Variants in NEMF observed in about 807,000 individuals in gnomAD.
NEMF encodes the protein nuclear export mediator factor.
In NEMF, 89 loss-of-function variants were observed where a neutral mutation model predicts 162.2. The observed-to-expected ratio is 0.55, with a 90% confidence interval of 0.46 to 0.65. The LOEUF is 0.65. NEMF is among the 30% of genes least tolerant of loss of function. The pLI is 0.00. For synonymous variants in NEMF, 421 were observed against 404.5 expected (o/e 1.04, Z -0.49); for missense variants, 1,133 against 1,261.9 (o/e 0.90, Z 1.55).
chr14:49,800,805 AATC>A, intron 22 of NEMF, 109 bp from the exon 23 acceptor site: 1 of 1,058,842 alleles, frequency 9.4e-7, no homozygotes, highest in Non-Finnish European at 1.4e-6. Flanking sequence ...TTCTCCAAAA[AATC>A]AACAGAAAAG....
chr14:49,823,871 T>C (rs186527101), intron 16 of NEMF, among the ~76,000 whole-genome samples: 138 of 152,212 alleles, frequency 9.1e-4, no homozygotes, highest in African/African-American at 3.0e-3. Flanking sequence ...AAGTTTCATG[T>C]AAAATATCAA....
In NEMF at chr14:49,782,090, C is replaced by T. The variant is rs766170617; in HGVS notation, c.*2546G>A. 1.6e-5 allele frequency: 6 copies of T among 368,770 alleles called. No individual in the cohort carries two copies. The highest frequency in any genetic ancestry group is 8.9e-5 in the East Asian group (2 of 22,564). The allele number at this position is 368,770 out of a possible 1,614,324, so 22.8% of individuals were successfully genotyped here. Reference sequence around the variant, plus strand: ...AGGCATATACTACTCAGCTCCCATACGATTTTTATTGCTAACAAAGACCTA... The same window carrying T: ...AGGCATATACTACTCAGCTCCCATATGATTTTTATTGCTAACAAAGACCTA... On this transcript the variant is annotated 3_prime_UTR_variant, in exon 33 of 33. Transcript: ENST00000298310.
In NEMF at chr14:49,840,878, T is replaced by C. The variant is rs1199038876; in HGVS notation, c.358-12A>G. On this transcript the variant is annotated splice_polypyrimidine_tract_variant and intron_variant, in intron 4 of 32. Transcript: ENST00000298310. Reference sequence around the variant, plus strand: ...AGAACAATGTTCCCCTGCAATAAAATAAAATACAATTTAGCGCTCTTTCAA... The same window carrying C: ...AGAACAATGTTCCCCTGCAATAAAACAAAATACAATTTAGCGCTCTTTCAA... 6.2e-7 allele frequency: 1 copy of C among 1,607,050 alleles called. No homozygotes were observed. Among genetic ancestry groups the C allele is most frequent in the African/African-American group, 1.3e-5 (1 of 74,402 alleles).
chr14:49,817,704 T>C (rs1039209469), intron 16 of NEMF, among the ~76,000 whole-genome samples: 1 of 152,158 alleles, frequency 6.6e-6, no homozygotes, highest in Non-Finnish European at 1.5e-5. Context: ...ATTATAAACT[T>C]TCTGCCAATA....
Position 49,782,321 on chromosome 14 carries a change from C to T in NEMF, c.*2315G>A. The T allele has an allele frequency of 7.9e-7, 1 of 1,270,014 alleles. No homozygotes were observed. The highest frequency in any genetic ancestry group is 1.5e-5 in the African/African-American group (1 of 67,668). 78.7% of individuals were successfully genotyped at this position (1,270,014 alleles called of 1,614,324 possible). ...AGCTCTATTCTGTAGTATAAAATGG[C>T]CAACTGGTGTTCTGGGTGGCTTCAA... On this transcript the variant is annotated 3_prime_UTR_variant, in exon 33 of 33. Coordinates refer to ENST00000298310, the MANE Select transcript of NEMF (RefSeq NM_004713.6).
At position 49,784,720 on chromosome 14, in the gene NEMF, A is replaced by G; in HGVS notation, c.3154-7T>C. The G allele has an allele frequency of 6.2e-7, 1 of 1,610,420 alleles. No individual in the cohort carries two copies. Among genetic ancestry groups the G allele is most frequent in the African/African-American group, 1.3e-5 (1 of 74,966 alleles). ...TTCTTGATAAATCTGTGTCCTAAAAAAAGAAAATTGCTGAATATCTTCACA... is the reference window on the plus strand; with the variant it reads ...TTCTTGATAAATCTGTGTCCTAAAAGAAGAAAATTGCTGAATATCTTCACA... On this transcript the variant is annotated splice_region_variant and splice_polypyrimidine_tract_variant and intron_variant, in intron 32 of 32. Coordinates refer to ENST00000298310, the MANE Select transcript of NEMF (RefSeq NM_004713.6).
intron 7 of NEMF, 71 bp from the exon 8 acceptor site, chr14:49,833,567 T>G: frequency 1.0e-6 from 1 of 964,146 alleles, no homozygotes; most frequent in East Asian, 2.4e-5. Flanking sequence ...TAAACAACTA[T>G]GTAGAAAAAC....
At chr14:49,846,114 C>T in intron 4 of NEMF, 26 bp downstream of exon 4, 1 of 1,599,346 alleles carries the variant, frequency 6.3e-7, no homozygotes, top group Non-Finnish European at 8.5e-7. Context: ...AATTTTCCTT[C>T]ACCATATCCC....
chr14:49,808,376 T>C (rs1359907477), intron 18 of NEMF, among the ~76,000 whole-genome samples: 3 of 152,106 alleles, frequency 2.0e-5, no homozygotes, highest in Non-Finnish European at 4.4e-5. Flanking sequence ...GGTTTCACCA[T>C]GTTGGCCAGG....
At chr14:49,822,524 A>G (rs1892126390) in intron 16 of NEMF, among the ~76,000 whole-genome samples, 1 of 151,288 alleles carries the variant, frequency 6.6e-6, no homozygotes, top group Non-Finnish European at 1.5e-5. Context: ...TCTGTCTCAA[A>G]GAAAAAAAAA....
At chr14:49,794,754 T>C (rs1438818557) in intron 26 of NEMF, among the ~76,000 whole-genome samples, 1 of 137,720 alleles carries the variant, frequency 7.3e-6, no homozygotes, top group Non-Finnish European at 1.5e-5. Flanking sequence ...AGTCTCGCCA[T>C]GTCACCCAGG....
intron 16 of NEMF, among the ~76,000 whole-genome samples, chr14:49,816,001 G>T (rs1460210025): frequency 6.6e-6 from 1 of 152,056 alleles, no homozygotes; most frequent in Non-Finnish European, 1.5e-5. Flanking sequence ...ATATAAAAAA[G>T]ATAGTGAGAG....
rs1892528061 is a variant in NEMF at position 49,829,409 on chromosome 14, C to T, written c.963G>A (p.Lys321=). 2 of 1,613,692 alleles carry T rather than the reference C, an allele frequency of 1.2e-6. No homozygotes were observed. Among genetic ancestry groups the T allele is most frequent in the East Asian group, 2.2e-5 (1 of 44,884 alleles). Residue 321 remains lysine, a synonymous_variant, in exon 12 of 33, where the codon AAG becomes AAA. Coordinates refer to ENST00000298310, the MANE Select transcript of NEMF (RefSeq NM_004713.6). ...GATCCTTTCGAACATTATCTAATTT[C>T]TTCAATGCTTGCTTTTCCTTTTATT... The part of the protein sequence containing the change: ...KALQQEKQAL[K]KLDNVRKDHE...
chr14:49,817,597 T>C (rs1443408281), intron 16 of NEMF, among the ~76,000 whole-genome samples: 3 of 152,224 alleles, frequency 2.0e-5, no homozygotes, highest in Non-Finnish European at 4.4e-5. Flanking sequence ...TAGGAAGACG[T>C]AACAGTTATA....
At chr14:49,813,920 T>C in intron 18 of NEMF, 68 bp downstream of exon 18, 1 of 942,118 alleles carries the variant, frequency 1.1e-6, no homozygotes, top group South Asian at 1.3e-5. Flanking sequence ...TAAATTTTTG[T>C]CTTACAGTCA....
At chr14:49,825,816 G>T in intron 16 of NEMF, 51 bp downstream of exon 16, 1 of 1,214,032 alleles carries the variant, frequency 8.2e-7, no homozygotes, top group Non-Finnish European at 1.2e-6. Flanking sequence ...AATGTGCATG[G>T]ATAATTTTAA....
intron 4 of NEMF, among the ~76,000 whole-genome samples, chr14:49,842,609 A>T (rs1350183757): frequency 6.6e-6 from 1 of 152,244 alleles, no homozygotes; most frequent in Admixed American, 6.5e-5. Flanking sequence ...AGTAATCCCA[A>T]ATTCATCTGA....
At chr14:49,820,337 G>T (rs1891939769) in intron 16 of NEMF, 1 of 436,846 alleles carries the variant, frequency 2.3e-6, no homozygotes, top group African/African-American at 2.0e-5. Flanking sequence ...AAAAGTTAAT[G>T]AATACCTTTT....
Position 49,831,359 on chromosome 14 carries a change from C to A in NEMF, c.885G>T (p.Ala295=), listed in dbSNP as rs146119309. 6.3e-7 allele frequency: 1 copy of A among 1,593,842 alleles called. No homozygotes were observed. Among genetic ancestry groups the A allele is most frequent in the Non-Finnish European group, 8.6e-7 (1 of 1,162,888 alleles). The part of the protein sequence containing the change: ...PYIEFESFDK[A]VDEFYSKIEG... ...CTATCTTGGAATAAAATTCATCCACCGCCTTATTAAAAAAACAAACAACTA... is the reference window on the plus strand; with the variant it reads ...CTATCTTGGAATAAAATTCATCCACAGCCTTATTAAAAAAACAAACAACTA... The change falls in exon 11 of 33, where the codon GCG becomes GCT. Residue 295 remains alanine (A), a splice_region_variant and synonymous_variant. Transcript: ENST00000298310.
Sources: gnomAD v4.1 joint callset for allele counts (sites outside exome capture counted in the v4.1 genomes callset) on GRCh38, gnomAD v4.1.1 for gene constraint, MANE v1.5 for transcripts, NCBI Gene and HGNC (gene_info 2026-07-23, HGNC 2026-07-21) for gene names.